GADL1: variants seen among roughly 807,000 people sequenced by gnomAD.
GADL1 encodes the protein GAD like acidic amino acid decarboxylase 1.
GADL1 carries 71 observed loss-of-function variants against 69.5 expected under a neutral mutation model. The observed-to-expected ratio is 1.02, with a 90% CI of 0.84 to 1.25. The LOEUF (loss-of-function observed/expected upper bound fraction) is 1.25. GADL1 is among the 50% of genes most tolerant of loss of function. The probability of loss-of-function intolerance (pLI) is 0.00; values close to 1 mark genes in which losing one functional copy is unlikely to be tolerated. For synonymous variants in GADL1, 254 were observed against 214.4 expected (o/e 1.18, Z -1.62); for missense variants, 737 against 631.8 (o/e 1.17, Z -1.79).
At chr3:30,775,849 C>A (rs1696524593) in intron 14 of GADL1, among the ~76,000 whole-genome samples, 1 of 152,172 alleles carries the variant, frequency 6.6e-6, no homozygotes, top group African/African-American at 2.4e-5. Context: ...GTAATCCCAA[C>A]AATTTGGGAG....
At chr3:30,887,795 A>G (rs1698729666) in intron 1 of GADL1, among the ~76,000 whole-genome samples, 1 of 152,196 alleles carries the variant, frequency 6.6e-6, no homozygotes, top group South Asian at 2.1e-4. Flanking sequence ...ATACATTAAA[A>G]AGACATATCA....
At chr3:30,789,231 TCTC>T (rs559254937) in intron 12 of GADL1, among the ~76,000 whole-genome samples, 3 of 152,342 alleles carry the variant, frequency 2.0e-5, no homozygotes, top group South Asian at 4.1e-4. Flanking sequence ...ACAATATTAA[TCTC>T]CTTGTACATC....
At chr3:30,862,213 C>T (rs530023714) in intron 1 of GADL1, among the ~76,000 whole-genome samples, 6 of 151,982 alleles carry the variant, frequency 3.9e-5, no homozygotes, top group Non-Finnish European at 8.8e-5. Flanking sequence ...CATTTCTACA[C>T]ATGCACAAAT....
intron 13 of GADL1, among the ~76,000 whole-genome samples, chr3:30,779,810 T>C (rs1696618671): frequency 6.6e-6 from 1 of 152,182 alleles, no homozygotes; most frequent in Non-Finnish European, 1.5e-5. Context: ...TGTCCTAAAA[T>C]AATGTAGGTG....
intron 13 of GADL1, chr3:30,778,781 T>A (rs1438806648): frequency 2.8e-5 from 4 of 144,396 alleles, no homozygotes; most frequent in African/African-American, 1.2e-4. Flanking sequence ...CCCTAGCCAA[T>A]ACTGCTTTTG....
chr3:30,844,173 A>T, intron 8 of GADL1, 37 bp downstream of exon 8: 1 of 1,542,606 alleles, frequency 6.5e-7, no homozygotes, highest in Non-Finnish European at 8.9e-7. Context: ...GCGCACACAC[A>T]CACGTTCTCT....
At chr3:30,759,973 C>T (rs1696089082) in intron 14 of GADL1, among the ~76,000 whole-genome samples, 1 of 152,198 alleles carries the variant, frequency 6.6e-6, no homozygotes, top group South Asian at 2.1e-4. Context: ...GAGCCACAGC[C>T]ACTGCCAGCC....
chr3:30,885,261 T>A (rs1698688178), intron 1 of GADL1, among the ~76,000 whole-genome samples: 1 of 152,042 alleles, frequency 6.6e-6, no homozygotes, highest in Non-Finnish European at 1.5e-5. Context: ...AGCCAATTAT[T>A]TTTTTCTTCT....
chr3:30,763,635 A>C (rs1046921898), intron 14 of GADL1, among the ~76,000 whole-genome samples: 1 of 152,180 alleles, frequency 6.6e-6, no homozygotes, highest in Admixed American at 6.5e-5. Flanking sequence ...CTATAGTCTA[A>C]GAGGAAGCCT....
At chr3:30,789,263 T>C (rs1332044467) in intron 12 of GADL1, among the ~76,000 whole-genome samples, 2 of 152,190 alleles carry the variant, frequency 1.3e-5, no homozygotes, top group Non-Finnish European at 1.5e-5. Flanking sequence ...AGCTCTTGAG[T>C]TACTAGGTGC....
intron 14 of GADL1, among the ~76,000 whole-genome samples, chr3:30,729,846 G>A (rs1053197267): frequency 8.5e-5 from 13 of 152,126 alleles, no homozygotes; most frequent in African/African-American, 3.1e-4. Flanking sequence ...GGACTACACA[G>A]TGCTTGCAAT....
rs996716108 is a variant in GADL1, at chr3:30,728,074, G to C, written c.*168C>G. On this transcript the variant is annotated 3_prime_UTR_variant, in exon 15 of 15. Coordinates refer to ENST00000282538, the MANE Select transcript of GADL1 (RefSeq NM_207359.3). ...AGCAACAGTAATGCCCAGGCAGCTA[G>C]AGAGTCCTTAATATTCATTGCTTAG... 1.8e-6 allele frequency: 1 copy of C among 562,266 alleles called. No homozygotes were observed. The highest frequency in any genetic ancestry group is 1.9e-5 in the African/African-American group (1 of 53,612). The allele number at this position is 562,266 out of a possible 1,614,324, so 34.8% of individuals were successfully genotyped here.
intron 9 of GADL1, 26 bp downstream of exon 9, chr3:30,838,970 CA>C: frequency 7.5e-7 from 1 of 1,334,384 alleles, no homozygotes; most frequent in Non-Finnish European, 1.0e-6. Flanking sequence ...AAAGGTTAAA[CA>C]GGTATGTACA....
rs1695398254 is a variant in GADL1, at chr3:30,728,227, G to A, written c.*15C>T. ...CCAGGATAGGATCTATGCCTCTGGGGGACCAAAGCCACAGCTACATGTCTT... is the reference window on the plus strand; with the variant it reads ...CCAGGATAGGATCTATGCCTCTGGGAGACCAAAGCCACAGCTACATGTCTT... On this transcript the variant is annotated 3_prime_UTR_variant, in exon 15 of 15. Coordinates refer to ENST00000282538, the MANE Select transcript of GADL1 (RefSeq NM_207359.3). 6.2e-7 allele frequency: 1 copy of A among 1,610,096 alleles called. No homozygotes were observed. Among genetic ancestry groups the A allele is most frequent in the Non-Finnish European group, 8.5e-7 (1 of 1,176,740 alleles).
intron 14 of GADL1, among the ~76,000 whole-genome samples, chr3:30,757,028 C>T (rs1237618617): frequency 2.0e-5 from 3 of 152,056 alleles, no homozygotes; most frequent in Non-Finnish European, 2.9e-5. Flanking sequence ...TCAGCATTAC[C>T]CCTCAGCTTC....
In GADL1 at chr3:30,772,244, C is replaced by G. The variant is rs57128402; in HGVS notation, c.1392+5935G>C. 0.016 allele frequency among the ~76,000 whole-genome samples: 2,411 copies of G among 152,274 alleles called. 174 individuals are homozygous for G. The East Asian group carries it at 0.24, about 15-fold the overall frequency. Reference sequence around the variant, plus strand: ...CCTGTTATAAATGACTAACATTAGTCACAAATCTGCAGGTCAGCAAATGGA... The same window carrying G: ...CCTGTTATAAATGACTAACATTAGTGACAAATCTGCAGGTCAGCAAATGGA... On this transcript the variant is annotated intron_variant, in intron 14 of 14. Coordinates refer to ENST00000282538, the MANE Select transcript of GADL1 (RefSeq NM_207359.3).
At chr3:30,821,068 G>A (rs556149308) in intron 11 of GADL1, among the ~76,000 whole-genome samples, 8 of 152,080 alleles carry the variant, frequency 5.3e-5, no homozygotes, top group Admixed American at 2.6e-4. Context: ...TAAACTTATC[G>A]TAAAGACAAA....
intron 14 of GADL1, among the ~76,000 whole-genome samples, chr3:30,775,822 T>TGC (rs751377911): frequency 2.0e-5 from 3 of 152,158 alleles, no homozygotes; most frequent in Non-Finnish European, 4.4e-5. Flanking sequence ...ACAGGCTGGG[T>TGC]GCGGTGGCTC....
chr3:30,774,618 C>A (rs933067146), intron 14 of GADL1, among the ~76,000 whole-genome samples: 1 of 152,078 alleles, frequency 6.6e-6, no homozygotes, highest in Non-Finnish European at 1.5e-5. Context: ...TACTGTCATG[C>A]TCAAGTATTT....
Sources: gnomAD v4.1 joint callset for allele counts (sites outside exome capture counted in the v4.1 genomes callset) on GRCh38, gnomAD v4.1.1 for gene constraint, MANE v1.5 for transcripts, NCBI Gene and HGNC (gene_info 2026-07-23, HGNC 2026-07-21) for gene names.